The following CCDC141 variants were observed in gnomAD, a reference collection of about 807,000 sequenced individuals.
The protein encoded by CCDC141 is coiled-coil domain containing 141.
Under a neutral mutation model 181.0 loss-of-function variants are expected in CCDC141, and 168 were observed. That is an observed-to-expected ratio of 0.93 (90% confidence interval 0.82 to 1.05). The LOEUF is 1.05. Among genes scored for constraint, CCDC141 ranks in the 50% least tolerant of loss-of-function variants. The pLI, the probability that CCDC141 is intolerant of heterozygous loss-of-function variation, is 0.00. For missense variants in CCDC141, 1,902 were observed against 1,788.5 expected (o/e 1.06, Z -1.14); for synonymous variants, 666 against 642.3 (o/e 1.04, Z -0.56).
At position 178,853,478 on chromosome 2, in the gene CCDC141, C is replaced by G; in HGVS notation, c.3207G>C (p.Arg1069Ser). The G allele has an allele frequency of 6.2e-7, 1 of 1,614,122 alleles. No individual in the cohort carries two copies. The highest frequency in any genetic ancestry group is 8.5e-7 in the Non-Finnish European group (1 of 1,179,994). The change falls in exon 20 of 24, where the codon AGG becomes AGC. Residue 1069 changes from arginine to serine, a missense_variant. Arg to Ser is a moderately radical substitution (Grantham distance 110, BLOSUM62 -1). Coordinates refer to ENST00000443758, the MANE Select transcript of CCDC141 (RefSeq NM_173648.4). ...GAGCAAGGTCAGTGGCCTCCTGAAT[C>G]CTTTCTTCTTGCTGCGGCACTGAGG... Reference protein sequence around the residue: ...IAPSVPQQEERIQEATDLAQH... With the variant: ...IAPSVPQQEESIQEATDLAQH...
intron 8 of CCDC141, among the ~76,000 whole-genome samples, chr2:178,889,018 A>G (rs1280095352): frequency 6.6e-6 from 1 of 152,180 alleles, no homozygotes; most frequent in Non-Finnish European, 1.5e-5. Flanking sequence ...TAAAAACTTC[A>G]TTTATCTAAA....
Position 178,966,804 on chromosome 2 carries a change from G to A in CCDC141, c.527-5321C>T, listed in dbSNP as rs550785900. On this transcript the variant is annotated intron_variant, in intron 4 of 23. Coordinates refer to ENST00000443758, the MANE Select transcript of CCDC141 (RefSeq NM_173648.4). ...AAGGTAGGTAATAACAAACTGCTCCGAGCTAAAGTAGCATATTCTAACCCA... is the reference window on the plus strand; with the variant it reads ...AAGGTAGGTAATAACAAACTGCTCCAAGCTAAAGTAGCATATTCTAACCCA... 4.6e-5 allele frequency among the ~76,000 whole-genome samples: 7 copies of A among 151,956 alleles called. No homozygotes were observed. In the South Asian group the frequency reaches 8.4e-4, roughly 18 times the overall value.
chr2:178,826,497 AT>A (rs1684127263), downstream of CCDC141, among the ~76,000 whole-genome samples: 1 of 152,180 alleles, frequency 6.6e-6, no homozygotes, highest in Admixed American at 6.6e-5. Flanking sequence ...ACTGTGGAGA[AT>A]GGCTATTTTT....
intron 2 of CCDC141, among the ~76,000 whole-genome samples, chr2:179,036,597 T>C (rs2043152915): frequency 1.3e-5 from 2 of 152,338 alleles, no homozygotes; most frequent in Admixed American, 6.5e-5. Flanking sequence ...CACCAGGAAG[T>C]TGTGCTGCCT....
chr2:178,908,409 GTC>G (rs1199358947), intron 7 of CCDC141, among the ~76,000 whole-genome samples: 1 of 152,118 alleles, frequency 6.6e-6, no homozygotes, highest in Non-Finnish European at 1.5e-5. Context: ...GGCCAGGCTG[GTC>G]TCGAACTCCT....
At chr2:179,004,054 C>A (rs2042057275) in intron 2 of CCDC141, among the ~76,000 whole-genome samples, 1 of 152,096 alleles carries the variant, frequency 6.6e-6, no homozygotes, top group Non-Finnish European at 1.5e-5. Flanking sequence ...TGGCAAAAGT[C>A]TACATTGTAT....
intron 4 of CCDC141, among the ~76,000 whole-genome samples, chr2:178,971,782 G>A (rs180916914): frequency 7.9e-5 from 12 of 152,258 alleles, no homozygotes; most frequent in African/African-American, 2.9e-4. Flanking sequence ...GCAGGGACAT[G>A]GATGAAGCTG....
chr2:178,965,920 T>C (rs1690609140), intron 4 of CCDC141, among the ~76,000 whole-genome samples: 1 of 152,104 alleles, frequency 6.6e-6, no homozygotes, highest in Non-Finnish European at 1.5e-5. Context: ...ACCCGGTACG[T>C]TCCATCTTGG....
intron 5 of CCDC141, among the ~76,000 whole-genome samples, chr2:178,947,545 G>C (rs1441823764): frequency 6.6e-6 from 1 of 152,182 alleles, no homozygotes; most frequent in African/African-American, 2.4e-5. Flanking sequence ...GGGCATTCTA[G>C]GTACTTGATG....
chr2:178,888,365 A>G (rs1686985072), intron 9 of CCDC141, among the ~76,000 whole-genome samples, 162 bp downstream of exon 9: 1 of 152,180 alleles, frequency 6.6e-6, no homozygotes. Flanking sequence ...GATGAACAAC[A>G]GTGAATTACA....
intron 2 of CCDC141, among the ~76,000 whole-genome samples, chr2:178,999,478 C>T (rs772261391): frequency 2.0e-4 from 30 of 152,122 alleles, no homozygotes; most frequent in Non-Finnish European, 3.7e-4. Context: ...ATTCTCTACC[C>T]GTATGCCATA....
chr2:178,873,430 A>C (rs938266581), intron 12 of CCDC141: 3 of 152,170 alleles, frequency 2.0e-5, no homozygotes, highest in Non-Finnish European at 4.4e-5. Flanking sequence ...CAACTACAGC[A>C]GAATTCACCC....
At chr2:178,994,236 T>G (rs1263068557) in intron 2 of CCDC141, among the ~76,000 whole-genome samples, 1 of 152,212 alleles carries the variant, frequency 6.6e-6, no homozygotes. Context: ...GCCCTGCCCC[T>G]GCGGCAAATT....
intron 2 of CCDC141, among the ~76,000 whole-genome samples, chr2:179,035,209 C>T (rs771585284): frequency 6.6e-6 from 1 of 152,132 alleles, no homozygotes; most frequent in Non-Finnish European, 1.5e-5. Flanking sequence ...AATCTGTCCT[C>T]ATTCATTCTT....
chr2:179,015,326 A>G (rs1223744686), intron 2 of CCDC141, among the ~76,000 whole-genome samples: 1 of 141,896 alleles, frequency 7.0e-6, no homozygotes, highest in Non-Finnish European at 1.5e-5. Flanking sequence ...TCATATATGT[A>G]TCATACATAT....
chr2:178,974,313 A>C (rs1487846274), intron 4 of CCDC141, among the ~76,000 whole-genome samples: 1 of 152,174 alleles, frequency 6.6e-6, no homozygotes, highest in Admixed American at 6.6e-5. Context: ...ACCCTATTCT[A>C]TTTGGCAGTA....
chr2:178,880,501 T>C (rs1188342870), intron 11 of CCDC141, among the ~76,000 whole-genome samples: 1 of 151,988 alleles, frequency 6.6e-6, no homozygotes, highest in Admixed American at 6.6e-5. Flanking sequence ...ACCGAGGAAG[T>C]GATGGTACAA....
chr2:178,943,919 ACTT>A (rs1456224449), intron 6 of CCDC141, among the ~76,000 whole-genome samples: 1 of 152,328 alleles, frequency 6.6e-6, no homozygotes, highest in South Asian at 2.1e-4. Context: ...GGTAGCCATT[ACTT>A]CTTGTAAAAC....
chr2:178,933,974 G>T (rs2154376077), intron 6 of CCDC141, among the ~76,000 whole-genome samples: 1 of 152,266 alleles, frequency 6.6e-6, no homozygotes, highest in South Asian at 2.1e-4. Context: ...TTTTTTTAAA[G>T]AAACAGGAAA....
Sources: gnomAD v4.1 joint callset for allele counts (sites outside exome capture counted in the v4.1 genomes callset) on GRCh38, gnomAD v4.1.1 for gene constraint, MANE v1.5 for transcripts, NCBI Gene and HGNC (gene_info 2026-07-23, HGNC 2026-07-21) for gene names.